KCNH1: variants seen among roughly 807,000 people sequenced by gnomAD.
KCNH1 encodes the protein voltage-gated delayed rectifier potassium channel KCNH1.
KCNH1 carries 27 observed loss-of-function variants against 69.2 expected under a neutral mutation model. The observed-to-expected ratio is 0.39, with a 90% confidence interval of 0.29 to 0.54. The LOEUF is 0.54. Ranked by LOEUF, KCNH1 falls within the 20% of genes least tolerant of loss-of-function variation. KCNH1 has a pLI of 0.68. For synonymous variants in KCNH1, 456 were observed against 487.7 expected, an observed-to-expected ratio of 0.93 and a Z score of 0.86; for missense variants, 798 against 1,261.6, an observed-to-expected ratio of 0.63 and a Z score of 5.57.
chr1:211,033,629 CTG>C (rs1422242247), intron 5 of KCNH1, among the ~76,000 whole-genome samples: 2 of 152,034 alleles, frequency 1.3e-5, no homozygotes, highest in South Asian at 2.1e-4. Context: ...ATGGATGAAA[CTG>C]GAAACCATCA....
At chr1:210,947,336 G>C (rs910656874) in intron 6 of KCNH1, among the ~76,000 whole-genome samples, 1 of 152,058 alleles carries the variant, frequency 6.6e-6, no homozygotes, top group Non-Finnish European at 1.5e-5. Context: ...TTGGGAGGCC[G>C]AGGCGGGCGG....
intron 7 of KCNH1, among the ~76,000 whole-genome samples, chr1:210,841,269 T>C (rs911007083): frequency 2.6e-5 from 4 of 152,196 alleles, no homozygotes; most frequent in Non-Finnish European, 4.4e-5. Flanking sequence ...GCCAAGGTAG[T>C]TCAATATCCT....
At chr1:210,856,712 T>C (rs1685845499) in intron 7 of KCNH1, among the ~76,000 whole-genome samples, 1 of 148,884 alleles carries the variant, frequency 6.7e-6, no homozygotes, top group African/African-American at 2.5e-5. Flanking sequence ...CTAATCTTGG[T>C]AATGGTTCTT....
At chr1:210,795,419 T>C (rs1684291157) in intron 9 of KCNH1, among the ~76,000 whole-genome samples, 1 of 152,066 alleles carries the variant, frequency 6.6e-6, no homozygotes, top group Admixed American at 6.6e-5. Flanking sequence ...AGTGCTGGGA[T>C]TACAGGTATG....
At chr1:210,927,500 C>T (rs1687596899) in intron 6 of KCNH1, among the ~76,000 whole-genome samples, 2 of 152,122 alleles carry the variant, frequency 1.3e-5, no homozygotes, top group African/African-American at 4.8e-5. Flanking sequence ...CTTTTCCAGA[C>T]AAACAAATGC....
intron 10 of KCNH1, among the ~76,000 whole-genome samples, chr1:210,756,977 G>A (rs1683412651): frequency 6.6e-6 from 1 of 152,172 alleles, no homozygotes; most frequent in Non-Finnish European, 1.5e-5. Context: ...CAGATTCACT[G>A]TTCTCATATC....
In KCNH1 at chr1:210,805,963, T is replaced by A. The variant is rs564298127; in HGVS notation, c.1463-1797A>T. Among the ~76,000 whole-genome samples, 4 of 152,368 alleles carry A rather than the reference T, an allele frequency of 2.6e-5. No homozygotes were observed. In the East Asian group the frequency reaches 7.7e-4, roughly 29 times the overall value. ...ACTCTATTGTGTGGATATTCCACAT[T>A]TCATTTATCCATTCATCAGTTCATG... On this transcript the variant is annotated intron_variant, in intron 7 of 10. Transcript: ENST00000271751.
chr1:210,736,482 G>A (rs1345865490), intron 10 of KCNH1, among the ~76,000 whole-genome samples: 1 of 152,002 alleles, frequency 6.6e-6, no homozygotes, highest in Non-Finnish European at 1.5e-5. Flanking sequence ...TGGAGGCAGA[G>A]ACTGCAGTGA....
At position 210,802,567 on chromosome 1, in the gene KCNH1, G is replaced by C. The variant is rs553094348; in HGVS notation, c.1662+1400C>G. On this transcript the variant is annotated intron_variant, in intron 8 of 10. Coordinates refer to ENST00000271751, the MANE Select transcript of KCNH1 (RefSeq NM_172362.3). ...ATCTTTTTTATAGAAAATATGCAAAGAAAATTCATAAGTAAATAATAGGAA... is the reference window on the plus strand; with the variant it reads ...ATCTTTTTTATAGAAAATATGCAAACAAAATTCATAAGTAAATAATAGGAA... Among the ~76,000 whole-genome samples, 4 of 152,218 alleles carry C rather than the reference G, an allele frequency of 2.6e-5. No individual in the cohort carries two copies. The South Asian group carries it at 8.3e-4, about 32-fold the overall frequency.
chr1:210,696,774 T>C lies in KCNH1; in HGVS notation c.2113-12636A>G, dbSNP rs570035395. ...CTTGCTACTCAGTCTATTTTTCTCA[T>C]TCAGAGGATCTGCTGTTCCTAAAGC... On this transcript the variant is annotated intron_variant, in intron 10 of 10. Coordinates refer to ENST00000271751, the MANE Select transcript of KCNH1 (RefSeq NM_172362.3). Among the ~76,000 whole-genome samples, 252 of 152,330 alleles carry C rather than the reference T, an allele frequency of 1.7e-3. 1 individual carries two copies. The highest frequency in any genetic ancestry group is 3.0e-3 in the Non-Finnish European group (201 of 68,028).
chr1:210,939,337 G>C (rs1687838308), intron 6 of KCNH1, among the ~76,000 whole-genome samples: 1 of 151,990 alleles, frequency 6.6e-6, no homozygotes, highest in Admixed American at 6.6e-5. Context: ...GAAAATATAG[G>C]GTGCCAAAAA....
chr1:210,990,548 G>A (rs951991655), intron 6 of KCNH1, among the ~76,000 whole-genome samples: 1 of 152,008 alleles, frequency 6.6e-6, no homozygotes, highest in Non-Finnish European at 1.5e-5. Context: ...TTGATCTCAG[G>A]CTCCCCATCA....
At chr1:211,121,544 A>G (rs1021574349) in intron 1 of KCNH1, among the ~76,000 whole-genome samples, 5 of 152,258 alleles carry the variant, frequency 3.3e-5, no homozygotes, top group African/African-American at 1.2e-4. Context: ...ATGTAACTCA[A>G]GACTTAAATG....
At chr1:210,859,160 A>T in intron 7 of KCNH1, 1 of 1,460,728 alleles carries the variant, frequency 6.8e-7, no homozygotes, top group East Asian at 2.3e-5. Flanking sequence ...CACAGTAGGA[A>T]AGAAAGAGAT....
intron 10 of KCNH1, among the ~76,000 whole-genome samples, chr1:210,710,669 G>T (rs1434116504): frequency 6.6e-6 from 1 of 152,100 alleles, no homozygotes; most frequent in Non-Finnish European, 1.5e-5. Flanking sequence ...GCTCAGAGAA[G>T]CCTAATGCCA....
chr1:211,037,856 G>C (rs902703803), intron 5 of KCNH1, among the ~76,000 whole-genome samples: 39 of 152,036 alleles, frequency 2.6e-4, no homozygotes, highest in African/African-American at 9.4e-4. Context: ...AGGAAGGTAA[G>C]TGAATTATGG....
intron 10 of KCNH1, among the ~76,000 whole-genome samples, chr1:210,693,569 C>A (rs1681570832): frequency 6.6e-6 from 1 of 152,186 alleles, no homozygotes; most frequent in South Asian, 2.1e-4. Context: ...TGGCCCACTT[C>A]TAGACATACA....
intron 10 of KCNH1, among the ~76,000 whole-genome samples, chr1:210,771,612 G>A (rs968771084): frequency 3.4e-5 from 5 of 149,176 alleles, no homozygotes; most frequent in East Asian, 2.0e-4. Flanking sequence ...TATCAATCAC[G>A]TGGACAGAAC....
Position 210,897,951 on chromosome 1 carries a change from G to C in KCNH1, c.1462+21689C>G, listed in dbSNP as rs958585270. Among the ~76,000 whole-genome samples the C allele has an allele frequency of 1.8e-4, 27 of 152,262 alleles. 1 individual carries two copies. The highest frequency in any genetic ancestry group is 6.3e-4 in the African/African-American group (26 of 41,540). On this transcript the variant is annotated intron_variant, in intron 7 of 10. Transcript: ENST00000271751. ...GTTGAGATGGCAAGACCCCTGGAGG[G>C]GTAAGTGGCAGTGGTTGTGTAGTGG...
Sources: gnomAD v4.1 joint callset for allele counts (sites outside exome capture counted in the v4.1 genomes callset) on GRCh38, gnomAD v4.1.1 for gene constraint, MANE v1.5 for transcripts, NCBI Gene and HGNC (gene_info 2026-07-23, HGNC 2026-07-21) for gene names.